The following TTC13 variants were observed in gnomAD, a reference collection of about 807,000 sequenced individuals.
TTC13 encodes the protein tetratricopeptide repeat protein 13.
A neutral mutation model predicts 120.0 loss-of-function variants in TTC13; 62 were observed. That is an observed-to-expected ratio of 0.52 (90% confidence interval 0.42 to 0.64). TTC13 has a LOEUF of 0.64. Among genes scored for constraint, TTC13 ranks in the 30% least tolerant of loss-of-function variants. TTC13 has a pLI of 0.00. For missense variants in TTC13, 824 were observed against 1,050.2 expected, an observed-to-expected ratio of 0.78 and a Z score of 2.98; for synonymous variants, 384 against 393.5, an observed-to-expected ratio of 0.98 and a Z score of 0.28.
chr1:230,947,664 C>T (rs1163766791), intron 4 of TTC13, among the ~76,000 whole-genome samples: 1 of 152,154 alleles, frequency 6.6e-6, no homozygotes, highest in Non-Finnish European at 1.5e-5. Flanking sequence ...GTTGGACAAG[C>T]TTGCTTTAGG....
Position 230,940,585 on chromosome 1 carries a change from G to T in TTC13, c.673-29C>A. 1 of 1,418,124 alleles carries T rather than the reference G, an allele frequency of 7.1e-7. No individual in the cohort carries two copies. Among genetic ancestry groups the T allele is most frequent in the Non-Finnish European group, 1.0e-6 (1 of 1,004,812 alleles). The allele number at this position is 1,418,124 out of a possible 1,614,324, so 87.8% of individuals were successfully genotyped here. On this transcript the variant is annotated intron_variant, in intron 6 of 22. Coordinates refer to ENST00000366661, the MANE Select transcript of TTC13 (RefSeq NM_024525.5). The surrounding 1 kb of genome is among the most constrained non-coding windows in gnomAD (Gnocchi z 4.1). ...GAAATCCCAAACATGTAATCAGGAA[G>T]AATACCAATGACCAACCCTAAAATC...
chr1:230,933,528 G>A (rs1290724259), intron 9 of TTC13, among the ~76,000 whole-genome samples: 1 of 152,156 alleles, frequency 6.6e-6, no homozygotes, highest in Non-Finnish European at 1.5e-5. Flanking sequence ...AACCCTTGAA[G>A]GATGAACGTT....
intron 1 of TTC13, among the ~76,000 whole-genome samples, chr1:230,972,134 G>A (rs1166779011): frequency 2.0e-5 from 3 of 152,250 alleles, no homozygotes; most frequent in Non-Finnish European, 4.4e-5. Flanking sequence ...TCCTAAGTGA[G>A]AGTCTATGGA....
chr1:230,944,860 G>C lies in TTC13; in HGVS notation c.579+529C>G, dbSNP rs1426223212. ...CGTGATTTACTATATAATTTCAGGAGTCTTCATTTTTATACCATAGTACCT... is the reference window on the plus strand; with the variant it reads ...CGTGATTTACTATATAATTTCAGGACTCTTCATTTTTATACCATAGTACCT... On this transcript the variant is annotated intron_variant, in intron 5 of 22. Transcript: ENST00000366661. The surrounding 1 kb of genome is among the most constrained non-coding windows in gnomAD (Gnocchi z 4.0). Among the ~76,000 whole-genome samples, 1 of 152,036 alleles carries C rather than the reference G, an allele frequency of 6.6e-6. No individual in the cohort carries two copies. The highest frequency in any genetic ancestry group is 1.5e-5 in the Non-Finnish European group (1 of 68,008).
intron 15 of TTC13, among the ~76,000 whole-genome samples, chr1:230,922,092 T>C (rs7525343): frequency 0.68 from 103,045 of 151,306 alleles, 35,153 homozygotes; most frequent in Admixed American, 0.72. Context: ...CAAAGGTTAC[T>C]GTCAAGTAAG....
In TTC13 at chr1:230,978,831, C is replaced by A; in HGVS notation, c.-1G>T. 6.8e-7 allele frequency: 1 copy of A among 1,473,534 alleles called. No homozygotes were observed. Among genetic ancestry groups the A allele is most frequent in the Non-Finnish European group, 8.9e-7 (1 of 1,122,842 alleles). The allele number at this position is 1,473,534 out of a possible 1,614,324, so 91.3% of individuals were successfully genotyped here. A position where few individuals can be genotyped will look rare whatever the true frequency, so the allele number is the denominator to read the frequency against. On this transcript the variant is annotated 5_prime_UTR_variant, in exon 1 of 23. Coordinates refer to ENST00000366661, the MANE Select transcript of TTC13 (RefSeq NM_024525.5). This position sits in a 1 kb window ranked among gnomAD's most constrained non-coding sequence, Gnocchi z 5.6. ...AGCAGCAGCAGCCGGCAGGTGCCAT[C>A]TTCCCTCAAGGCGCATGCGCGACAG...
intron 18 of TTC13, among the ~76,000 whole-genome samples, chr1:230,915,278 C>T (rs1351664883): frequency 6.6e-6 from 1 of 152,126 alleles, no homozygotes; most frequent in Non-Finnish European, 1.5e-5. Flanking sequence ...GTCATAGTCT[C>T]ACTGCTGAGC....
In TTC13 at chr1:230,908,953, G is replaced by GAATTTTTCCTGCTACTTCTTTTT; in HGVS notation, c.2376_2377insAAAAAGAAGTAGCAGGAAAAATT (p.Pro793LysfsTer4). On this transcript the variant is annotated stop_gained and frameshift_variant, in exon 21 of 23. Transcript: ENST00000366661. LOFTEE classifies it high-confidence loss of function. ...CCGCTCCAACATACCTTCCCTTTGG[G>GAATTTTTCCTGCTACTTCTTTTT]AATTTTTCCTGCTACTTCTTTTCCA... The GAATTTTTCCTGCTACTTCTTTTT allele has an allele frequency of 6.2e-7, 1 of 1,614,108 alleles. No homozygotes were observed. The highest frequency in any genetic ancestry group is 8.5e-7 in the Non-Finnish European group (1 of 1,180,004).
intron 20 of TTC13, among the ~76,000 whole-genome samples, chr1:230,910,307 A>T (rs1262702499): frequency 6.6e-6 from 1 of 152,192 alleles, no homozygotes; most frequent in Non-Finnish European, 1.5e-5. Context: ...AGCCAAGGGG[A>T]AGCAAAAGAG....
intron 9 of TTC13, among the ~76,000 whole-genome samples, chr1:230,932,817 G>A (rs531536859): frequency 2.0e-5 from 3 of 152,100 alleles, no homozygotes; most frequent in Non-Finnish European, 2.9e-5. Context: ...ACTTTCCGTC[G>A]CTGTCTTTCT....
At chr1:230,912,799 G>A (rs1671649392) in intron 18 of TTC13, 41 bp from the exon 19 acceptor site, 1 of 1,573,042 alleles carries the variant, frequency 6.4e-7, no homozygotes. Context: ...TGTATTATAA[G>A]TTCAAACAGC....
At chr1:230,915,945 C>T (rs1671982160) in intron 18 of TTC13, among the ~76,000 whole-genome samples, 1 of 152,086 alleles carries the variant, frequency 6.6e-6, no homozygotes, top group African/African-American at 2.4e-5. Context: ...ATGTCTCCCA[C>T]AAACTACATC....
At chr1:230,910,862 T>C (rs953289243) in intron 20 of TTC13, among the ~76,000 whole-genome samples, 1 of 152,266 alleles carries the variant, frequency 6.6e-6, no homozygotes, top group African/African-American at 2.4e-5. Context: ...AAGTGTATTA[T>C]TTTTAGCCAA....
In TTC13 at chr1:230,924,978, G is replaced by C; in HGVS notation, c.1589-5C>G. ...CCAATGCGGCCAAACCCATAGCTAC[G>C]AGAAAGGAATATCGAGAAGAGTTAG... is the stretch of plus-strand genomic sequence containing the variant. On this transcript the variant is annotated splice_region_variant and splice_polypyrimidine_tract_variant and intron_variant, in intron 13 of 22. Transcript: ENST00000366661. The C allele has an allele frequency of 6.2e-7, 1 of 1,614,118 alleles. No individual in the cohort carries two copies. The highest frequency in any genetic ancestry group is 8.5e-7 in the Non-Finnish European group (1 of 1,180,012).
chr1:230,922,374 C>T (rs1355480450), intron 15 of TTC13, among the ~76,000 whole-genome samples: 1 of 152,190 alleles, frequency 6.6e-6, no homozygotes. Flanking sequence ...TTCCAACCTC[C>T]TCCCTTACCT....
intron 1 of TTC13, among the ~76,000 whole-genome samples, chr1:230,976,589 C>T (rs1187008685): frequency 6.6e-6 from 1 of 152,210 alleles, no homozygotes; most frequent in African/African-American, 2.4e-5. Context: ...CTGTTGGTAG[C>T]TACTCACACA....
chr1:230,919,605 G>A (rs1449163281), intron 17 of TTC13, among the ~76,000 whole-genome samples: 3 of 152,176 alleles, frequency 2.0e-5, no homozygotes, highest in Non-Finnish European at 4.4e-5. Context: ...AATGAGTTTT[G>A]ACAGGTAGTC....
rs374753250 is a variant in TTC13 at position 230,906,886 on chromosome 1, T to C, written c.*19A>G. ...AGCAAGAGGTCCGGCCCTTTACTTG[T>C]ATAAATACAGCAGCAGAACTAGAGT... is the stretch of plus-strand genomic sequence containing the variant. On this transcript the variant is annotated 3_prime_UTR_variant, in exon 23 of 23. Transcript: ENST00000366661. 2 of 1,314,960 alleles carry C rather than the reference T, an allele frequency of 1.5e-6. No individual in the cohort carries two copies. The highest frequency in any genetic ancestry group is 1.5e-5 in the African/African-American group (1 of 64,994). The allele number at this position is 1,314,960 out of a possible 1,614,324, so 81.5% of individuals were successfully genotyped here. A position where few individuals can be genotyped will look rare whatever the true frequency, so the allele number is the denominator to read the frequency against.
chr1:230,961,065 A>C (rs1213988066), intron 2 of TTC13, 144 bp downstream of exon 2: 2 of 599,792 alleles, frequency 3.3e-6, no homozygotes, highest in Admixed American at 3.2e-5. Flanking sequence ...CAATGTGGCA[A>C]AATACCAGAC....
Sources: allele counts gnomAD v4.1 joint callset (sites outside exome capture counted in the v4.1 genomes callset), GRCh38; gene constraint gnomAD v4.1.1; non-coding constraint Gnocchi (gnomAD v3.1); transcripts MANE v1.5; gene names NCBI Gene and HGNC (gene_info 2026-07-23, HGNC 2026-07-21).